PLXND1: variants seen among roughly 807,000 people sequenced by gnomAD.
PLXND1 encodes the protein plexin-D1.
PLXND1 carries 54 observed loss-of-function variants against 197.7 expected under a neutral mutation model. The ratio of observed to expected loss-of-function variants is 0.27; its 90% CI spans 0.22 to 0.34. The LOEUF is 0.34. Among genes scored for constraint, PLXND1 ranks in the 10% least tolerant of loss-of-function variants. The pLI, the probability that PLXND1 is intolerant of heterozygous loss-of-function variation, is 1.00. For synonymous variants in PLXND1, 1,180 were observed against 1,161.2 expected (o/e 1.02, Z -0.33); for missense variants, 2,127 against 2,699.2 (o/e 0.79, Z 4.70).
rs552620082 is a variant in PLXND1, at chr3:129,569,755, T to G, written c.3865+88A>C. 2.0e-5 allele frequency: 15 copies of G among 757,486 alleles called. No homozygotes were observed. The African/African-American group carries it at 2.4e-4, about 12-fold the overall frequency. 46.9% of individuals were successfully genotyped at this position (757,486 alleles called of 1,614,324 possible). A position where few individuals can be genotyped will look rare whatever the true frequency, so the allele number is the denominator to read the frequency against. On this transcript the variant is annotated intron_variant, in intron 20 of 35. Transcript: ENST00000324093. ...GTTCAAGCTGTGCCCCATCCCATCC[T>G]GCCTTCTCCCATCTGCCAATCTTCA...
chr3:129,598,465 G>A (rs577446225), intron 1 of PLXND1, among the ~76,000 whole-genome samples: 3 of 152,206 alleles, frequency 2.0e-5, no homozygotes, highest in Admixed American at 6.5e-5. Flanking sequence ...GAGCTTGGAC[G>A]GGCATGCGAT....
rs1331308738 is a variant in PLXND1, at chr3:129,605,446, G to T, written c.1194C>A (p.Ala398=). ...LCAFRFADVR[A]AIRAARTACF... Reference sequence around the variant, plus strand: ...AGGCGGTGCGCGCAGCTCGGATGGCGGCTCGCACGTCGGCGAAGCGGAAGG... The same window carrying T: ...AGGCGGTGCGCGCAGCTCGGATGGCTGCTCGCACGTCGGCGAAGCGGAAGG... Residue 398 remains alanine (A), a synonymous_variant, in exon 1 of 36, where the codon GCC becomes GCA. Transcript: ENST00000324093. The T allele has an allele frequency of 6.7e-7, 1 of 1,502,364 alleles. No homozygotes were observed. The highest frequency in any genetic ancestry group is 2.1e-5 in the Admixed American group (1 of 46,838). 93.1% of individuals were successfully genotyped at this position (1,502,364 alleles called of 1,614,324 possible). A position where few individuals can be genotyped will look rare whatever the true frequency, so the allele number is the denominator to read the frequency against.
In PLXND1 at chr3:129,584,175, A is replaced by G; in HGVS notation, c.2088T>C (p.Asn696=). ...RVNGRNIVKA[N]FTIYDCSRTA... ...TGCGGCTGCAGTCGTAGATGGTGAA[A>G]TTGGCCTTGACGATGTTCCGCCCAT... Residue 696 remains asparagine (N), a synonymous_variant, in exon 7 of 36, where the codon AAT becomes AAC. Transcript: ENST00000324093. The G allele has an allele frequency of 6.3e-7, 1 of 1,580,100 alleles. No individual in the cohort carries two copies. Among genetic ancestry groups the G allele is most frequent in the Non-Finnish European group, 8.6e-7 (1 of 1,161,484 alleles).
At chr3:129,585,905 A>G (rs1271796430) in intron 5 of PLXND1, 47 bp downstream of exon 5, 5 of 1,610,084 alleles carry the variant, frequency 3.1e-6, no homozygotes, top group Admixed American at 1.7e-5. Flanking sequence ...GGGTGAAGGG[A>G]GGCTCCCCTG....
intron 5 of PLXND1, 47 bp downstream of exon 5, chr3:129,585,905 A>C (rs1271796430): frequency 1.9e-6 from 3 of 1,610,202 alleles, no homozygotes; most frequent in Non-Finnish European, 2.5e-6. Context: ...GGGTGAAGGG[A>C]GGCTCCCCTG....
Position 129,575,842 on chromosome 3 carries a change from T to G in PLXND1, c.2360A>C (p.Glu787Ala). The change falls in exon 10 of 36, where the codon GAG becomes GCG. Residue 787 changes from glutamate (E) to alanine (A), a missense_variant. By Grantham distance (107) the Glu-to-Ala change is moderately radical (BLOSUM62 -1). Around this residue, in one of 6 missense-constraint regions of PLXND1, gnomAD observed 1,095 missense variants for 1,259.8 expected, o/e 0.87. Coordinates refer to ENST00000324093, the MANE Select transcript of PLXND1 (RefSeq NM_015103.3). ...NTAFFQGAAL[E>A]CSFGLEEIFE... ...GATCTCCTCCAGCCCAAAACTACAC[T>G]CCAGGGCTGCACCCTGTGGGAAACA... 4 of 1,611,190 alleles carry G rather than the reference T, an allele frequency of 2.5e-6. No homozygotes were observed. Among genetic ancestry groups the G allele is most frequent in the Middle Eastern group, 1.7e-4 (1 of 6,052 alleles).
intron 1 of PLXND1, among the ~76,000 whole-genome samples, chr3:129,604,046 G>C (rs2085748415): frequency 6.6e-6 from 1 of 152,144 alleles, no homozygotes; most frequent in African/African-American, 2.4e-5. Context: ...CCCTTGCCAT[G>C]AACTTCCTTT....
chr3:129,570,678 A>G, intron 19 of PLXND1, 108 bp downstream of exon 19: 4 of 1,081,750 alleles, frequency 3.7e-6, no homozygotes, highest in Non-Finnish European at 5.5e-6. Flanking sequence ...TGAGCTGTTG[A>G]GCGTGAAAAC....
intron 1 of PLXND1, among the ~76,000 whole-genome samples, chr3:129,602,029 T>G (rs1341876092): frequency 6.6e-6 from 1 of 152,218 alleles, no homozygotes; most frequent in African/African-American, 2.4e-5. Flanking sequence ...CCATTGCTCC[T>G]TCTCACCAGC....
intron 8 of PLXND1, among the ~76,000 whole-genome samples, chr3:129,583,063 G>A (rs1389402201): frequency 6.6e-6 from 1 of 152,230 alleles, no homozygotes; most frequent in East Asian, 1.9e-4. Flanking sequence ...ATTTTCACAG[G>A]AGGGGAGAAT....
chr3:129,601,037 G>A (rs898178561), intron 1 of PLXND1, among the ~76,000 whole-genome samples: 1 of 152,156 alleles, frequency 6.6e-6, no homozygotes, highest in Non-Finnish European at 1.5e-5. Flanking sequence ...AAGGAAGGTA[G>A]ACTCAGTCTG....
At chr3:129,590,810 C>A (rs1439534579) in intron 1 of PLXND1, among the ~76,000 whole-genome samples, 2 of 152,198 alleles carry the variant, frequency 1.3e-5, no homozygotes, top group Non-Finnish European at 2.9e-5. Flanking sequence ...AATGTCACGC[C>A]CCCAGGGCTG....
chr3:129,569,846 C>G lies in PLXND1; in HGVS notation c.3862G>C (p.Val1288Leu). The G allele has an allele frequency of 6.3e-7, 1 of 1,585,988 alleles. No individual in the cohort carries two copies. The highest frequency in any genetic ancestry group is 2.2e-5 in the East Asian group (1 of 44,740). ...TCCTGAGGGTGGGGCTCCTTACCCACCACGGAGAGCAGCAGCAGGACGCTG... is the reference window on the plus strand; with the variant it reads ...TCCTGAGGGTGGGGCTCCTTACCCAGCACGGAGAGCAGCAGCAGGACGCTG... ...ICSVLLLLSV[V>L]ALFVFCTKSR... The change falls in exon 20 of 36, where the codon GTG becomes CTG. Residue 1288 changes from valine to leucine, a missense_variant. Val to Leu is a conservative substitution (Grantham distance 32, BLOSUM62 1). Coordinates refer to ENST00000324093, the MANE Select transcript of PLXND1 (RefSeq NM_015103.3).
At chr3:129,585,525 CCT>C (rs1229661286) in intron 5 of PLXND1, among the ~76,000 whole-genome samples, 3 of 152,234 alleles carry the variant, frequency 2.0e-5, no homozygotes, top group Admixed American at 6.5e-5. Flanking sequence ...CCCTCCATCC[CCT>C]GTTCTGGGAA....
chr3:129,564,455 G>C (rs972664610), intron 25 of PLXND1, among the ~76,000 whole-genome samples: 1 of 152,244 alleles, frequency 6.6e-6, no homozygotes, highest in Admixed American at 6.5e-5. Context: ...GGACCAGCCT[G>C]TGCAACAAAG....
Position 129,606,614 on chromosome 3 carries a change from G to A in PLXND1, c.26C>T (p.Ala9Val). 9 of 1,159,502 alleles carry A rather than the reference G, an allele frequency of 7.8e-6. No individual in the cohort carries two copies. Among genetic ancestry groups the A allele is most frequent in the Non-Finnish European group, 8.5e-6 (8 of 942,128 alleles). 71.8% of individuals were successfully genotyped at this position (1,159,502 alleles called of 1,614,324 possible). The change falls in exon 1 of 36, where the codon GCA becomes GTA. Residue 9 changes from alanine to valine, a missense_variant. This residue lies in a region of PLXND1 where 245 missense variants were observed against 267.1 expected (regional missense o/e 0.92). Transcript: ENST00000324093. The stretch of plus-strand genomic sequence containing the variant: ...GGCGGCGGCCCGGGCGCTAAGGGGT[G>A]CGCCGCCCGCGGCGCGAGGAGCCAT... MAPRAAGG[A>V]PLSARAAAAS...
chr3:129,590,354 G>C (rs895063725), intron 1 of PLXND1, among the ~76,000 whole-genome samples: 17 of 152,044 alleles, frequency 1.1e-4, no homozygotes, highest in Non-Finnish European at 1.6e-4. Context: ...CCTGGGTCTT[G>C]GTATGTTCAA....
intron 9 of PLXND1, 142 bp from the exon 10 acceptor site, chr3:129,575,997 C>T (rs140153725): frequency 2.1e-4 from 136 of 647,958 alleles, no homozygotes; most frequent in Admixed American, 7.7e-4. Flanking sequence ...TGGGCTGTCC[C>T]GTCCCCCAAA....
intron 8 of PLXND1, among the ~76,000 whole-genome samples, chr3:129,579,187 A>G (rs1194851993): frequency 6.6e-6 from 1 of 151,554 alleles, no homozygotes; most frequent in Admixed American, 6.6e-5. Context: ...GAAAGAAGGA[A>G]GGAGGGATGA....
Sources: gnomAD v4.1 joint callset for allele counts (sites outside exome capture counted in the v4.1 genomes callset) on GRCh38, gnomAD v4.1.1 for gene constraint, gnomAD v4.1.1 regional missense constraint, MANE v1.5 for transcripts, NCBI Gene and HGNC (gene_info 2026-07-23, HGNC 2026-07-21) for gene names.